PRKDC: variants seen among roughly 807,000 people sequenced by gnomAD.
The protein encoded by PRKDC is protein kinase, DNA-activated, catalytic subunit.
A neutral mutation model predicts 486.9 loss-of-function variants in PRKDC; 82 were observed. The ratio of observed to expected loss-of-function variants is 0.17; its 90% confidence interval spans 0.14 to 0.20. The LOEUF (loss-of-function observed/expected upper bound fraction) is 0.20, where lower values mean the gene tolerates loss of function less well. PRKDC is among the 10% of genes least tolerant of loss of function. The pLI is 1.00. For missense variants in PRKDC, 4,504 were observed against 5,038.2 expected, an observed-to-expected ratio of 0.89 and a Z score of 3.21; for synonymous variants, 1,895 against 1,837.0, an observed-to-expected ratio of 1.03 and a Z score of -0.81.
At position 47,890,414 on chromosome 8, in the gene PRKDC, T is replaced by C; in HGVS notation, c.3914A>G (p.Asp1305Gly). Residue 1305 changes from aspartate to glycine, a missense_variant, in exon 32 of 86, where the codon GAC becomes GGC. By Grantham distance (94) the Asp-to-Gly change is moderately conservative. Coordinates refer to ENST00000314191, the MANE Select transcript of PRKDC (RefSeq NM_006904.7). ...AFFLESIAMH[D>G]IIAAEKCFGT... ...AAAGCACTTTTCTGCTGCTATAATG[T>C]CATGCATGGCAATGCTTTCTAAGAA... is the stretch of plus-strand genomic sequence containing the variant. 1 of 1,601,810 alleles carries C rather than the reference T, an allele frequency of 6.2e-7. No individual in the cohort carries two copies. Among genetic ancestry groups the C allele is most frequent in the Non-Finnish European group, 8.5e-7 (1 of 1,173,510 alleles).
intron 35 of PRKDC, among the ~76,000 whole-genome samples, chr8:47,887,107 T>C (rs906021962): frequency 6.6e-6 from 1 of 152,178 alleles, no homozygotes; most frequent in African/African-American, 2.4e-5. Context: ...AGATTTCAGC[T>C]ACAGCAGGGA....
At chr8:47,893,586 A>T (rs2089511734) in intron 30 of PRKDC, among the ~76,000 whole-genome samples, 199 bp from the exon 31 acceptor site, 1 of 152,210 alleles carries the variant, frequency 6.6e-6, no homozygotes, top group Non-Finnish European at 1.5e-5. Context: ...TTATAAAAAT[A>T]GTTGGACACC....
chr8:47,902,507 T>C (rs897141343), intron 27 of PRKDC, 62 bp downstream of exon 27: 8 of 1,195,938 alleles, frequency 6.7e-6, no homozygotes, highest in Non-Finnish European at 9.0e-6. Context: ...ATACACAGAG[T>C]GAAACTCCAA....
chr8:47,867,189 G>C (rs1200795824), intron 40 of PRKDC, among the ~76,000 whole-genome samples: 1 of 152,126 alleles, frequency 6.6e-6, no homozygotes, highest in East Asian at 1.9e-4. Context: ...TATGCTGATA[G>C]GGCGAGATCT....
At position 47,820,940 on chromosome 8, in the gene PRKDC, T is replaced by C. The variant is rs747825299; in HGVS notation, c.9115A>G (p.Thr3039Ala). The C allele has an allele frequency of 4.5e-6, 7 of 1,559,666 alleles. No individual in the cohort carries two copies. The East Asian group carries it at 1.6e-4, about 35-fold the overall frequency. The change falls in exon 66 of 86, where the codon ACA (threonine) becomes GCA (alanine). Residue 3039 changes from threonine (T) to alanine (A), a missense_variant. By Grantham distance (58) the Thr-to-Ala change is moderately conservative (BLOSUM62 0). Coordinates refer to ENST00000314191, the MANE Select transcript of PRKDC (RefSeq NM_006904.7). ...KIWSEPFYQE[T>A]YLPYMIRSKL... The stretch of plus-strand genomic sequence containing the variant: ...CTGCGGATCATGTAAGGTAGATATG[T>C]TTCCTAAGGAACATAAAAATATACT...
chr8:47,884,626 G>A (rs1441626920), intron 36 of PRKDC, among the ~76,000 whole-genome samples: 3 of 152,124 alleles, frequency 2.0e-5, no homozygotes, highest in East Asian at 1.9e-4. Context: ...CATCTACTAC[G>A]ATTTTATTTC....
chr8:47,861,745 G>T lies in PRKDC; in HGVS notation c.5985+317C>A, dbSNP rs2088682010. On this transcript the variant is annotated intron_variant, in intron 44 of 85. Coordinates refer to ENST00000314191, the MANE Select transcript of PRKDC (RefSeq NM_006904.7). ...GATCCTGCCACGTTGCCCAAGCAAGGCCACTGTAAGGATCTCAACTTCTTT... is the reference window on the plus strand; with the variant it reads ...GATCCTGCCACGTTGCCCAAGCAAGTCCACTGTAAGGATCTCAACTTCTTT... Among the ~76,000 whole-genome samples, 4 of 152,230 alleles carry T rather than the reference G, an allele frequency of 2.6e-5. No individual in the cohort carries two copies. In the South Asian group the frequency reaches 8.3e-4, roughly 31 times the overall value.
intron 26 of PRKDC, 35 bp downstream of exon 26, chr8:47,904,834 T>C: frequency 2.2e-6 from 3 of 1,368,188 alleles, no homozygotes; most frequent in South Asian, 2.4e-5. Context: ...AACTAATCGA[T>C]GGGAGTAAGA....
In PRKDC at chr8:47,928,010, CCA is replaced by C. The variant is rs2090182004; in HGVS notation, c.2140-122_2140-121del. On this transcript the variant is annotated intron_variant, in intron 19 of 85. Coordinates refer to ENST00000314191, the MANE Select transcript of PRKDC (RefSeq NM_006904.7). ...TGGCACGTAGCCTTTATTGACATGA[CCA>C]CATTCACTTACAAATTACACACTAA... The C allele has an allele frequency of 2.2e-5, 20 of 899,020 alleles. No homozygotes were observed. In the South Asian group the frequency reaches 8.6e-4, roughly 39 times the overall value. 55.7% of individuals were successfully genotyped at this position (899,020 alleles called of 1,614,324 possible).
intron 41 of PRKDC, among the ~76,000 whole-genome samples, chr8:47,864,191 G>C (rs970001344): frequency 6.6e-6 from 1 of 151,280 alleles, no homozygotes; most frequent in Non-Finnish European, 1.5e-5. Context: ...ATGGAAATGT[G>C]ACCAGGGAGG....
At position 47,877,790 on chromosome 8, in the gene PRKDC, A is replaced by G; in HGVS notation, c.5297T>C (p.Leu1766Pro). The change falls in exon 40 of 86, where the codon CTT becomes CCT. Residue 1766 changes from leucine to proline, a missense_variant. By Grantham distance (98) the Leu-to-Pro change is moderately conservative. This residue lies in a region of PRKDC where 1,969 missense variants were observed against 2,068.9 expected (regional missense o/e 0.95). Transcript: ENST00000314191. ...PMLLELMTEVLCREQQHVMEE... is the reference protein window; with the variant it reads ...PMLLELMTEVPCREQQHVMEE... ...CATGACATGCTGCTGTTCCCGACAA[A>G]GAACTTCTGTCATCAATTCCAACAA... The G allele has an allele frequency of 6.3e-7, 1 of 1,599,748 alleles. No individual in the cohort carries two copies. Among genetic ancestry groups the G allele is most frequent in the Non-Finnish European group, 8.5e-7 (1 of 1,172,224 alleles).
chr8:47,900,476 T>TAA lies in PRKDC; in HGVS notation c.3270-11_3270-10dup, dbSNP rs772109927. 11 of 1,592,424 alleles carry TAA rather than the reference T, an allele frequency of 6.9e-6. No homozygotes were observed. The highest frequency in any genetic ancestry group is 8.6e-6 in the Non-Finnish European group (10 of 1,168,004). ...CCAGAGACTCTTCTTCCCTGTAAAA[T>TAA]AAAGAATAGGAAACCTCACCTAAGA... On this transcript the variant is annotated splice_polypyrimidine_tract_variant and intron_variant, in intron 27 of 85. Coordinates refer to ENST00000314191, the MANE Select transcript of PRKDC (RefSeq NM_006904.7).
intron 68 of PRKDC, among the ~76,000 whole-genome samples, 161 bp downstream of exon 68, chr8:47,817,289 G>A (rs1458836125): frequency 2.0e-5 from 3 of 152,122 alleles, no homozygotes; most frequent in Non-Finnish European, 4.4e-5. Flanking sequence ...CTGCAGACAC[G>A]GAGAGCTCTA....
intron 16 of PRKDC, among the ~76,000 whole-genome samples, chr8:47,931,442 T>C (rs577018207): frequency 6.6e-6 from 1 of 151,590 alleles, no homozygotes; most frequent in East Asian, 1.9e-4. Flanking sequence ...AACACACATG[T>C]TCTAAAATGC....
chr8:47,922,873 G>A (rs2090094579), intron 21 of PRKDC, among the ~76,000 whole-genome samples: 1 of 152,180 alleles, frequency 6.6e-6, no homozygotes, highest in East Asian at 1.9e-4. Context: ...GGGAACTGGT[G>A]TTTGAAAGTT....
At chr8:47,813,753 T>C (rs1193821849) in intron 68 of PRKDC, among the ~76,000 whole-genome samples, 1 of 152,134 alleles carries the variant, frequency 6.6e-6, no homozygotes, top group East Asian at 1.9e-4. Flanking sequence ...TTTATATTTT[T>C]AGTAGAGACA....
chr8:47,912,627 A>G (rs1034572074), intron 24 of PRKDC, 65 bp from the exon 25 acceptor site: 1 of 1,427,558 alleles, frequency 7.0e-7, no homozygotes, highest in Non-Finnish European at 9.3e-7. Flanking sequence ...AATATTTGAA[A>G]TGTCACTCAA....
intron 26 of PRKDC, among the ~76,000 whole-genome samples, chr8:47,903,350 T>C (rs562610525): frequency 6.6e-6 from 1 of 152,360 alleles, no homozygotes; most frequent in African/African-American, 2.4e-5. Flanking sequence ...ACTTTATGCT[T>C]TGTTGCCTTC....
At chr8:47,885,858 C>T in intron 36 of PRKDC, 86 bp downstream of exon 36, 1 of 1,371,406 alleles carries the variant, frequency 7.3e-7, no homozygotes, top group African/African-American at 1.4e-5. Flanking sequence ...TGCCACTGCA[C>T]TCCAGCCTGG....
Sources: allele counts gnomAD v4.1 joint callset (sites outside exome capture counted in the v4.1 genomes callset), GRCh38; gene constraint gnomAD v4.1.1; regional missense constraint gnomAD v4.1.1; transcripts MANE v1.5; gene names NCBI Gene and HGNC (gene_info 2026-07-23, HGNC 2026-07-21).